The following SOX5 variants were observed in gnomAD, a reference collection of about 807,000 sequenced individuals.
SOX5 encodes the protein SRY-box transcription factor 5, also known as transcription factor SOX-5.
SOX5 carries 9 observed loss-of-function variants against 92.0 expected under a neutral mutation model. The ratio of observed to expected loss-of-function variants is 0.10; its 90% CI spans 0.06 to 0.17. SOX5 has a LOEUF of 0.17. Among genes scored for constraint, SOX5 ranks in the 10% least tolerant of loss-of-function variants. SOX5 has a pLI of 1.00. For synonymous variants in SOX5, 344 were observed against 336.3 expected (o/e 1.02, Z -0.25); for missense variants, 642 against 944.5 (o/e 0.68, Z 4.20).
intron 1 of SOX5, among the ~76,000 whole-genome samples, chr12:23,927,935 T>C (rs1171554914): frequency 1.3e-5 from 2 of 152,050 alleles, no homozygotes; most frequent in African/African-American, 4.8e-5. Flanking sequence ...CATTACATTT[T>C]CCAGAACCCA....
intron 4 of SOX5, among the ~76,000 whole-genome samples, chr12:23,746,065 A>T (rs913880748): frequency 2.0e-5 from 3 of 152,194 alleles, no homozygotes; most frequent in African/African-American, 7.2e-5. Flanking sequence ...CCAAAAAAAT[A>T]AGCTTTTGCA....
At chr12:23,665,704 T>G (rs1045688847) in intron 6 of SOX5, 140 bp from the exon 7 acceptor site, 32 of 939,184 alleles carry the variant, frequency 3.4e-5, no homozygotes, top group Non-Finnish European at 4.8e-5. Flanking sequence ...GATACTGGGC[T>G]TGAGGATATG....
In SOX5 at chr12:24,428,726, C is replaced by CAAA. The variant is rs57964050; in HGVS notation, c.-250-60090_-250-60088dup. On this transcript the variant is annotated intron_variant, in intron 1 of 4. Transcript: ENST00000446891. ...GGCAACAGAGTGAGACTCTGTTTCT[C>CAAA]AAAAAAAAAAAAAAAAAAAAAAAAA... Among the ~76,000 whole-genome samples the CAAA allele has an allele frequency of 1.7e-3, 54 of 32,600 alleles. 9 individuals are homozygous for CAAA. The highest frequency in any genetic ancestry group is 0.042 in the Middle Eastern group (1 of 24). The allele number at this position is 32,600 out of a possible 152,430, so 21.4% of individuals were successfully genotyped here.
chr12:24,235,873 G>T (rs1964381915), intron 3 of SOX5, among the ~76,000 whole-genome samples: 1 of 152,066 alleles, frequency 6.6e-6, no homozygotes, highest in Non-Finnish European at 1.5e-5. Context: ...AGACAACTTT[G>T]CATGATCCAT....
intron 4 of SOX5, among the ~76,000 whole-genome samples, chr12:24,077,135 G>C (rs1252511314): frequency 6.6e-6 from 1 of 152,114 alleles, no homozygotes. Context: ...CCATATGATA[G>C]CTATGGCTCC....
intron 1 of SOX5, among the ~76,000 whole-genome samples, chr12:24,553,563 A>G (rs1013785197): frequency 6.6e-6 from 1 of 152,234 alleles, no homozygotes; most frequent in Non-Finnish European, 1.5e-5. Flanking sequence ...CTACAATTCA[A>G]TGCCCTCAGG....
chr12:23,594,881 C>T (rs1952116771), intron 9 of SOX5, among the ~76,000 whole-genome samples: 1 of 152,082 alleles, frequency 6.6e-6, no homozygotes, highest in South Asian at 2.1e-4. Flanking sequence ...ATAACCTTTC[C>T]TTAGACCTTT....
chr12:24,108,434 A>G (rs564378803), intron 4 of SOX5, among the ~76,000 whole-genome samples: 1 of 152,272 alleles, frequency 6.6e-6, no homozygotes, highest in South Asian at 2.1e-4. Context: ...CAAGACTTAC[A>G]GAACTTCTCT....
chr12:23,982,780 A>G (rs1414492455), intron 4 of SOX5, among the ~76,000 whole-genome samples: 1 of 151,974 alleles, frequency 6.6e-6, no homozygotes, highest in African/African-American at 2.4e-5. Context: ...AATATAATAA[A>G]TTCAATATAT....
intron 1 of SOX5, among the ~76,000 whole-genome samples, chr12:24,558,601 C>T (rs939205445): frequency 6.6e-6 from 1 of 152,158 alleles, no homozygotes; most frequent in Non-Finnish European, 1.5e-5. Context: ...AAGGTTAGAT[C>T]TTTGCTTCAT....
chr12:24,008,510 T>C (rs763829714), intron 4 of SOX5, among the ~76,000 whole-genome samples: 12 of 152,162 alleles, frequency 7.9e-5, no homozygotes, highest in Non-Finnish European at 1.3e-4. Flanking sequence ...AATCCACCTA[T>C]ATATTTTTGA....
At chr12:24,361,309 G>A (rs963480105) in intron 2 of SOX5, among the ~76,000 whole-genome samples, 1 of 152,084 alleles carries the variant, frequency 6.6e-6, no homozygotes, top group African/African-American at 2.4e-5. Flanking sequence ...AATCAACCTA[G>A]AAAAATGTAT....
chr12:23,796,796 T>C (rs2095568418), intron 3 of SOX5, among the ~76,000 whole-genome samples: 1 of 150,926 alleles, frequency 6.6e-6, no homozygotes, highest in Non-Finnish European at 1.5e-5. Flanking sequence ...TCTTATATAG[T>C]GGTGCGTATA....
At chr12:24,036,307 A>G (rs1956032775) in intron 4 of SOX5, among the ~76,000 whole-genome samples, 1 of 152,126 alleles carries the variant, frequency 6.6e-6, no homozygotes, top group Non-Finnish European at 1.5e-5. Context: ...GGAAGGGGGT[A>G]GTCCCATGTG....
chr12:24,213,432 A>T (rs933918363), intron 3 of SOX5: 4 of 150,746 alleles, frequency 2.7e-5, no homozygotes, highest in Non-Finnish European at 5.9e-5. Context: ...AAAAAAAAAA[A>T]AAAAAAAGAA....
chr12:24,453,308 T>A (rs1942586571), intron 1 of SOX5, among the ~76,000 whole-genome samples: 1 of 151,812 alleles, frequency 6.6e-6, no homozygotes, highest in Non-Finnish European at 1.5e-5. Context: ...TAAAAAAAAA[T>A]CTGATTTCTT....
At chr12:23,895,607 C>T (rs1051295838) in intron 2 of SOX5, among the ~76,000 whole-genome samples, 186 bp downstream of exon 2, 5 of 152,006 alleles carry the variant, frequency 3.3e-5, no homozygotes, top group South Asian at 2.1e-4. Flanking sequence ...ACAAAAGAAA[C>T]GAAAACAGCG....
intron 1 of SOX5, among the ~76,000 whole-genome samples, chr12:24,370,672 G>C (rs1468884917): frequency 6.6e-6 from 1 of 151,996 alleles, no homozygotes. Context: ...CGCGCGTGTA[G>C]TCCCAGCTAC....
chr12:23,851,151 A>G (rs970142913), intron 2 of SOX5, among the ~76,000 whole-genome samples: 1 of 152,158 alleles, frequency 6.6e-6, no homozygotes. Flanking sequence ...TAAGGTATAT[A>G]TGTTAATATC....
Sources: allele counts gnomAD v4.1 joint callset (sites outside exome capture counted in the v4.1 genomes callset), GRCh38; gene constraint gnomAD v4.1.1; transcripts MANE v1.5; gene names NCBI Gene and HGNC (gene_info 2026-07-23, HGNC 2026-07-21).